The following VASH2 variants were observed in gnomAD, a reference collection of about 807,000 sequenced individuals.
VASH2 encodes tubulinyl-Tyr carboxypeptidase 2.
Under a neutral mutation model 37.2 loss-of-function variants are expected in VASH2, and 28 were observed. The ratio of observed to expected loss-of-function variants is 0.75; its 90% CI spans 0.56 to 1.03. The LOEUF (loss-of-function observed/expected upper bound fraction) is 1.03. Among genes scored for constraint, VASH2 ranks in the 50% least tolerant of loss-of-function variants. The probability of loss-of-function intolerance (pLI) is 0.00; values close to 1 mark genes in which losing one functional copy is unlikely to be tolerated. For synonymous variants in VASH2, 188 were observed against 174.7 expected (o/e 1.08, Z -0.60); for missense variants, 419 against 459.1 (o/e 0.91, Z 0.80).
chr1:212,955,204 AC>A (rs1479701042), intron 2 of VASH2, among the ~76,000 whole-genome samples: 1 of 152,178 alleles, frequency 6.6e-6, no homozygotes, highest in Non-Finnish European at 1.5e-5. Flanking sequence ...TTGAATGTAG[AC>A]TAAGAAGCAA....
At position 212,974,027 on chromosome 1, in the gene VASH2, A is replaced by G; in HGVS notation, c.952A>G (p.Arg318Gly). ...GGGAAAATCCCTGTCCCCCAGAAGGAGACAGGCAAGCCCCCCGAGGAGGCT... is the reference window on the plus strand; with the variant it reads ...GGGAAAATCCCTGTCCCCCAGAAGGGGACAGGCAAGCCCCCCGAGGAGGCT... ...SRGKSLSPRR[R>G]QASPPRRLGR... The change falls in exon 7 of 8, where the codon AGA becomes GGA. Residue 318 changes from arginine (R) to glycine (G), a missense_variant. Around this residue, in one of 3 missense-constraint regions of VASH2, gnomAD observed 177 missense variants for 166.2 expected, o/e 1.06. Transcript: ENST00000517399. 1 of 1,613,828 alleles carries G rather than the reference A, an allele frequency of 6.2e-7. No individual in the cohort carries two copies.
At chr1:212,987,425 T>C (rs1366248105) in intron 7 of VASH2, among the ~76,000 whole-genome samples, 1 of 151,944 alleles carries the variant, frequency 6.6e-6, no homozygotes, top group Non-Finnish European at 1.5e-5. Context: ...AAATACAAAA[T>C]TGGCCAGGTG....
At chr1:212,969,972 T>C (rs1378373663) in intron 5 of VASH2, among the ~76,000 whole-genome samples, 2 of 152,232 alleles carry the variant, frequency 1.3e-5, no homozygotes, top group African/African-American at 4.8e-5. Context: ...CGCATGCTTT[T>C]ACATGCATGC....
At position 212,988,206 on chromosome 1, in the gene VASH2, AGTACTGG is replaced by A. The variant is rs1314739183; in HGVS notation, c.996-303_996-297del. Among the ~76,000 whole-genome samples, 6 of 152,192 alleles carry A rather than the reference AGTACTGG, an allele frequency of 3.9e-5. No individual in the cohort carries two copies. The East Asian group carries it at 1.2e-3, about 29-fold the overall frequency. On this transcript the variant is annotated intron_variant, in intron 7 of 7. Transcript: ENST00000517399. ...CTTTTAGACCCTTGCAAGGTTCAAG[AGTACTGG>A]GTTTCAAAAGCTATAATGTGACCAA... is the stretch of plus-strand genomic sequence containing the variant.
At chr1:212,954,121 C>T (rs1322346429) in intron 2 of VASH2, among the ~76,000 whole-genome samples, 1 of 152,132 alleles carries the variant, frequency 6.6e-6, no homozygotes, top group Non-Finnish European at 1.5e-5. Flanking sequence ...CCGTGTTGCC[C>T]AGACTGGTCT....
intron 3 of VASH2, among the ~76,000 whole-genome samples, chr1:212,962,806 C>A (rs3104213): frequency 5.3e-5 from 8 of 151,988 alleles, no homozygotes; most frequent in Non-Finnish European, 7.4e-5. Flanking sequence ...AGGCTGTCTG[C>A]TGTTTGTGCT....
intron 7 of VASH2, among the ~76,000 whole-genome samples, chr1:212,982,748 C>T (rs1038631012): frequency 3.9e-5 from 6 of 152,192 alleles, no homozygotes; most frequent in African/African-American, 1.2e-4. Context: ...CCAGGAATCT[C>T]AGTTTAGCTC....
At chr1:212,984,386 A>T (rs1667416760) in intron 7 of VASH2, among the ~76,000 whole-genome samples, 1 of 152,152 alleles carries the variant, frequency 6.6e-6, no homozygotes, top group Non-Finnish European at 1.5e-5. Flanking sequence ...CAGTGATCCC[A>T]GTGAGCCTCC....
In VASH2 at chr1:212,961,880, G is replaced by A. The variant is rs189503802; in HGVS notation, c.365+626G>A. ...CTCCCAAAGTGCTGGGATTACAGGC[G>A]TGAGTCACCACACGGAGCCCTCCAC... On this transcript the variant is annotated intron_variant, in intron 3 of 7. Transcript: ENST00000517399. 5.3e-5 allele frequency among the ~76,000 whole-genome samples: 8 copies of A among 152,300 alleles called. No homozygotes were observed. In the East Asian group the frequency reaches 1.2e-3, roughly 22 times the overall value.
chr1:212,963,278 A>G (rs1308739998), intron 3 of VASH2, among the ~76,000 whole-genome samples: 2 of 152,166 alleles, frequency 1.3e-5, no homozygotes, highest in Non-Finnish European at 2.9e-5. Context: ...GACTGCAGAG[A>G]GGGCCAGAGA....
Position 212,961,218 on chromosome 1 carries a change from G to T in VASH2, c.329G>T (p.Trp110Leu), listed in dbSNP as rs768248056. ...AGGCTGTCGATGACGATCCCAGACT[G>T]GCTCCAGGCGATCCAGAATTACATG... ...NYRLSMTIPD[W>L]LQAIQNYMKT... The change falls in exon 3 of 8, where the codon TGG (tryptophan) becomes TTG (leucine). Residue 110 changes from tryptophan (W) to leucine (L), a missense_variant. By Grantham distance (61) the Trp-to-Leu change is moderately conservative. Transcript: ENST00000517399. 3 of 1,614,186 alleles carry T rather than the reference G, an allele frequency of 1.9e-6. No individual in the cohort carries two copies. Among genetic ancestry groups the T allele is most frequent in the Non-Finnish European group, 2.5e-6 (3 of 1,180,040 alleles).
At chr1:212,967,924 AAGAC>A (rs1353208188) in intron 5 of VASH2, 1 of 152,816 alleles carries the variant, frequency 6.5e-6, no homozygotes, top group African/African-American at 2.4e-5. Context: ...GACCTGAACT[AAGAC>A]AGTGCCAGTG....
In VASH2 at chr1:212,987,625, CAT is replaced by C. The variant is rs1207297624; in HGVS notation, c.996-886_996-885del. Among the ~76,000 whole-genome samples, 7 of 152,308 alleles carry C rather than the reference CAT, an allele frequency of 4.6e-5. No individual in the cohort carries two copies. The East Asian group carries it at 9.6e-4, about 21-fold the overall frequency. The stretch of plus-strand genomic sequence containing the variant: ...AAACAAGGTTTATGTGTAACCTAAA[CAT>C]GTCTTTTTCTTGCAAAAATGGATGT... On this transcript the variant is annotated intron_variant, in intron 7 of 7. Transcript: ENST00000517399.
At chr1:212,983,778 A>C (rs1347568383) in intron 7 of VASH2, among the ~76,000 whole-genome samples, 1 of 152,238 alleles carries the variant, frequency 6.6e-6, no homozygotes, top group Non-Finnish European at 1.5e-5. Flanking sequence ...GCATAAGCCA[A>C]GGTGCAGAGG....
chr1:212,968,620 T>G (rs926019796), intron 5 of VASH2: 93 of 985,350 alleles, frequency 9.4e-5, no homozygotes, highest in Non-Finnish European at 7.8e-5. Context: ...CCTCCCTGTT[T>G]CCCACAAAGG....
At chr1:212,981,120 C>CA (rs1667326356) in intron 7 of VASH2, among the ~76,000 whole-genome samples, 1 of 152,196 alleles carries the variant, frequency 6.6e-6, no homozygotes, top group Non-Finnish European at 1.5e-5. Flanking sequence ...GGAGAAGTGA[C>CA]ATCAGAGCCT....
At chr1:212,973,144 AC>A (rs1667062675) in intron 6 of VASH2, among the ~76,000 whole-genome samples, 183 bp downstream of exon 6, 1 of 152,152 alleles carries the variant, frequency 6.6e-6, no homozygotes, top group Non-Finnish European at 1.5e-5. Context: ...GACAGTTAAA[AC>A]AATGTCTCGT....
chr1:212,985,395 T>G (rs1667450204), intron 7 of VASH2, among the ~76,000 whole-genome samples: 1 of 150,714 alleles, frequency 6.6e-6, no homozygotes, highest in South Asian at 2.1e-4. Flanking sequence ...GGCTTCCTGC[T>G]GCGCTGCCAT....
chr1:212,966,123 G>C, intron 4 of VASH2, 148 bp from the exon 5 acceptor site: 1 of 685,914 alleles, frequency 1.5e-6, no homozygotes, highest in South Asian at 1.8e-5. Context: ...TTGTGCTTTG[G>C]TGCCTTCCTG....
Sources: gnomAD v4.1 joint callset for allele counts (sites outside exome capture counted in the v4.1 genomes callset) on GRCh38, gnomAD v4.1.1 for gene constraint, gnomAD v4.1.1 regional missense constraint, MANE v1.5 for transcripts, NCBI Gene and HGNC (gene_info 2026-07-23, HGNC 2026-07-21) for gene names.